AGBL4: variants seen among roughly 807,000 people sequenced by gnomAD.
AGBL4 encodes AGBL carboxypeptidase 4.
A neutral mutation model predicts 66.4 loss-of-function variants in AGBL4; 58 were observed. That is an observed-to-expected ratio of 0.87 (90% CI 0.71 to 1.09). AGBL4 has a LOEUF of 1.09. Among genes scored for constraint, AGBL4 ranks in the 50% least tolerant of loss-of-function variants. The pLI is 0.00. For missense variants in AGBL4, 579 were observed against 631.0 expected (o/e 0.92, Z 0.88); for synonymous variants, 234 against 222.9 (o/e 1.05, Z -0.44).
intron 6 of AGBL4, among the ~76,000 whole-genome samples, chr1:48,765,556 C>A (rs990428051): frequency 6.6e-6 from 1 of 152,192 alleles, no homozygotes; most frequent in Non-Finnish European, 1.5e-5. Flanking sequence ...AGCAATTCCG[C>A]TCCTGGGTGT....
At chr1:48,750,264 G>A (rs866120751) in intron 6 of AGBL4, among the ~76,000 whole-genome samples, 9 of 152,158 alleles carry the variant, frequency 5.9e-5, no homozygotes, top group Admixed American at 1.3e-4. Context: ...CCACCTGTAG[G>A]AGGGGCTGGG....
intron 3 of AGBL4, among the ~76,000 whole-genome samples, chr1:49,641,133 T>C (rs988868512): frequency 6.6e-6 from 1 of 152,168 alleles, no homozygotes; most frequent in Non-Finnish European, 1.5e-5. Context: ...GTTATTGCTG[T>C]TGTTATGCAA....
chr1:49,839,938 G>A (rs1007965134), intron 2 of AGBL4, among the ~76,000 whole-genome samples: 2 of 152,156 alleles, frequency 1.3e-5, no homozygotes, highest in Admixed American at 1.3e-4. Context: ...AAACAAACAG[G>A]GCAGCAATAC....
chr1:49,685,461 A>C (rs1336807470), intron 3 of AGBL4, among the ~76,000 whole-genome samples: 2 of 152,158 alleles, frequency 1.3e-5, no homozygotes, highest in Non-Finnish European at 2.9e-5. Context: ...GTTTCAACTT[A>C]TTTGAGAAAT....
At chr1:48,727,820 G>A in intron 6 of AGBL4, 3 of 1,464,228 alleles carry the variant, frequency 2.0e-6, no homozygotes, top group Non-Finnish European at 9.4e-7. Flanking sequence ...GATTTGGACG[G>A]CACCATCGCT....
chr1:48,947,564 A>C (rs1237184448), intron 5 of AGBL4, among the ~76,000 whole-genome samples: 2 of 152,180 alleles, frequency 1.3e-5, no homozygotes, highest in African/African-American at 2.4e-5. Flanking sequence ...TTCTGCACTA[A>C]CCTCAACAGA....
At chr1:49,000,766 G>A (rs548655622) in intron 5 of AGBL4, among the ~76,000 whole-genome samples, 1 of 152,162 alleles carries the variant, frequency 6.6e-6, no homozygotes, top group Non-Finnish European at 1.5e-5. Flanking sequence ...ATTATAGGAT[G>A]TGAGCATGGG....
intron 6 of AGBL4, among the ~76,000 whole-genome samples, chr1:48,750,125 T>C (rs1235982246): frequency 2.6e-5 from 4 of 152,032 alleles, no homozygotes; most frequent in African/African-American, 9.7e-5. Flanking sequence ...CCTTCCAGAG[T>C]AGGGACCATA....
chr1:49,740,154 C>T (rs535155774), intron 2 of AGBL4, among the ~76,000 whole-genome samples: 6 of 152,228 alleles, frequency 3.9e-5, no homozygotes, highest in African/African-American at 1.4e-4. Flanking sequence ...TCAGGAAACC[C>T]ATCTCACGTG....
At chr1:48,715,545 C>G (rs535448578) in intron 6 of AGBL4, among the ~76,000 whole-genome samples, 1 of 152,170 alleles carries the variant, frequency 6.6e-6, no homozygotes, top group Non-Finnish European at 1.5e-5. Flanking sequence ...AGTGCAGCAC[C>G]TAGCCCAGAA....
intron 3 of AGBL4, among the ~76,000 whole-genome samples, chr1:49,506,299 A>T (rs1374015618): frequency 6.6e-6 from 1 of 152,110 alleles, no homozygotes; most frequent in African/African-American, 2.4e-5. Flanking sequence ...TTATTAGAAA[A>T]ATGTAACATA....
intron 3 of AGBL4, among the ~76,000 whole-genome samples, chr1:49,590,395 GA>G (rs935115371): frequency 5.7e-4 from 82 of 143,402 alleles, no homozygotes; most frequent in Admixed American, 1.2e-3. Context: ...TGTACAGAAG[GA>G]AAAAAAAAAA....
chr1:48,803,017 C>T (rs1645844909), intron 6 of AGBL4, among the ~76,000 whole-genome samples: 1 of 152,170 alleles, frequency 6.6e-6, no homozygotes, highest in Non-Finnish European at 1.5e-5. Context: ...ACTATAGGTC[C>T]TTGAGTATCT....
At chr1:49,476,416 G>T (rs1423236155) in intron 3 of AGBL4, among the ~76,000 whole-genome samples, 1 of 152,098 alleles carries the variant, frequency 6.6e-6, no homozygotes, top group African/African-American at 2.4e-5. Context: ...ATGTCTATTA[G>T]ATACAACTGA....
chr1:49,482,479 C>T (rs1646976096), intron 3 of AGBL4, among the ~76,000 whole-genome samples: 2 of 151,674 alleles, frequency 1.3e-5, no homozygotes, highest in South Asian at 4.2e-4. Flanking sequence ...TGGTAATATC[C>T]CCTTTGTCAT....
chr1:49,224,434 G>A (rs1307474438), intron 4 of AGBL4, among the ~76,000 whole-genome samples: 1 of 151,794 alleles, frequency 6.6e-6, no homozygotes, highest in Non-Finnish European at 1.5e-5. Flanking sequence ...TGGCTAACAC[G>A]GTGAAACCCC....
At chr1:48,805,421 A>G (rs960761722) in intron 6 of AGBL4, among the ~76,000 whole-genome samples, 7 of 152,200 alleles carry the variant, frequency 4.6e-5, no homozygotes, top group Non-Finnish European at 8.8e-5. Context: ...GCTGTGCGGT[A>G]GAATCCCTGG....
chr1:48,919,523 C>G (rs1270531867), intron 5 of AGBL4, among the ~76,000 whole-genome samples: 1 of 152,176 alleles, frequency 6.6e-6, no homozygotes, highest in Non-Finnish European at 1.5e-5. Flanking sequence ...ACACATCATT[C>G]AAGTCTACAA....
chr1:48,789,159 C>A (rs1645477646), intron 6 of AGBL4, among the ~76,000 whole-genome samples: 1 of 152,152 alleles, frequency 6.6e-6, no homozygotes, highest in Non-Finnish European at 1.5e-5. Context: ...ATATGGTTCT[C>A]ACTCTGCTAT....
Sources: allele counts gnomAD v4.1 joint callset (sites outside exome capture counted in the v4.1 genomes callset), GRCh38; gene constraint gnomAD v4.1.1; transcripts MANE v1.5; gene names NCBI Gene and HGNC (gene_info 2026-07-23, HGNC 2026-07-21).